DNAJC13: variants seen among roughly 807,000 people sequenced by gnomAD.
DNAJC13 encodes dnaJ homolog subfamily C member 13.
DNAJC13 carries 75 observed loss-of-function variants against 290.5 expected under a neutral mutation model. The ratio of observed to expected loss-of-function variants is 0.26; its 90% confidence interval spans 0.21 to 0.31. DNAJC13 has a LOEUF of 0.31. DNAJC13 is among the 10% of genes least tolerant of loss of function. The probability of loss-of-function intolerance (pLI) is 1.00; values close to 1 mark genes in which losing one functional copy is unlikely to be tolerated. For synonymous variants in DNAJC13, 862 were observed against 892.0 expected, an observed-to-expected ratio of 0.97 and a Z score of 0.60; for missense variants, 2,260 against 2,674.5, an observed-to-expected ratio of 0.85 and a Z score of 3.42.
chr3:132,488,488 A>G, intron 30 of DNAJC13, 36 bp downstream of exon 30: 1 of 1,555,860 alleles, frequency 6.4e-7, no homozygotes, highest in South Asian at 1.2e-5. Context: ...TAAAAGTATT[A>G]TTTGAATTTT....
intron 9 of DNAJC13, 67 bp from the exon 10 acceptor site, chr3:132,456,168 C>A (rs1268911682): frequency 2.0e-6 from 3 of 1,474,680 alleles, no homozygotes; most frequent in African/African-American, 1.4e-5. Context: ...GCCTATGCTT[C>A]ATGCTAGATC....
At chr3:132,524,124 T>C (rs1936178966) in intron 51 of DNAJC13, 2 of 154,870 alleles carry the variant, frequency 1.3e-5, no homozygotes, top group Admixed American at 6.5e-5. Context: ...GTCAAAGAAA[T>C]TGACAGAAGA....
rs776320362 is a variant in DNAJC13, at chr3:132,494,163, C to A, written c.3845C>A (p.Thr1282Asn). The change falls in exon 34 of 56, where the codon ACC (threonine) becomes AAC (asparagine). Residue 1282 changes from threonine (T) to asparagine (N), a missense_variant. Physicochemically the swap from Thr to Asn is moderately conservative, Grantham distance 65 (BLOSUM62 0). Transcript: ENST00000260818. ...TTTAAGGTTAAGCTTCTAAAAGATACCCTTGATGCCTGGAAGAAAGAAGTA... is the reference window on the plus strand; with the variant it reads ...TTTAAGGTTAAGCTTCTAAAAGATAACCTTGATGCCTGGAAGAAAGAAGTA... ...IKDPVKLLKDTLDAWKKEVEK... is the reference protein window; with the variant it reads ...IKDPVKLLKDNLDAWKKEVEK... 4 of 1,611,108 alleles carry A rather than the reference C, an allele frequency of 2.5e-6. No homozygotes were observed. The highest frequency in any genetic ancestry group is 2.2e-5 in the East Asian group (1 of 44,810).
intron 55 of DNAJC13, among the ~76,000 whole-genome samples, chr3:132,536,757 C>T (rs1193550883): frequency 6.6e-6 from 1 of 152,122 alleles, no homozygotes; most frequent in African/African-American, 2.4e-5. Context: ...GGTTTGTTGA[C>T]CTGGTGGCCT....
At chr3:132,503,796 T>C (rs1395226888) in intron 41 of DNAJC13, among the ~76,000 whole-genome samples, 30 of 152,176 alleles carry the variant, frequency 2.0e-4, no homozygotes, top group Admixed American at 2.0e-3. Flanking sequence ...CATGCACATA[T>C]ACATGTATAT....
At chr3:132,500,678 A>G (rs1039784011) in intron 38 of DNAJC13, 116 bp from the exon 39 acceptor site, 1 of 1,349,546 alleles carries the variant, frequency 7.4e-7, no homozygotes, top group Non-Finnish European at 1.0e-6. Context: ...ATTTTGGAAC[A>G]TTGTATATAC....
chr3:132,534,153 C>T (rs1428764058), intron 55 of DNAJC13, among the ~76,000 whole-genome samples: 1 of 152,122 alleles, frequency 6.6e-6, no homozygotes, highest in African/African-American at 2.4e-5. Flanking sequence ...GTATAAAACC[C>T]AACCAGGAAG....
intron 44 of DNAJC13, among the ~76,000 whole-genome samples, chr3:132,512,591 A>C (rs1935810495): frequency 6.6e-6 from 1 of 152,172 alleles, no homozygotes; most frequent in Non-Finnish European, 1.5e-5. Context: ...ATTATAGTTA[A>C]GTGGCAGAGT....
intron 33 of DNAJC13, among the ~76,000 whole-genome samples, chr3:132,493,738 C>T (rs1935138471): frequency 6.6e-6 from 1 of 151,998 alleles, no homozygotes; most frequent in African/African-American, 2.4e-5. Flanking sequence ...ATACTGCTTG[C>T]TTTCTTACTA....
Position 132,496,615 on chromosome 3 carries a change from A to C in DNAJC13, c.4108A>C (p.Ile1370Leu), listed in dbSNP as rs747731977. ...IVDGPDPENI[I>L]LILKTQSILF... Reference sequence around the variant, plus strand: ...GGATGGGCCAGATCCAGAGAATATAATTTTAATTCTAAAAACACAGAGCAT... The same window carrying C: ...GGATGGGCCAGATCCAGAGAATATACTTTTAATTCTAAAAACACAGAGCAT... The change falls in exon 36 of 56, where the codon ATT (isoleucine) becomes CTT (leucine). Residue 1370 changes from isoleucine to leucine, a missense_variant. Physicochemically the swap from Ile to Leu is conservative, Grantham distance 5. This residue lies in a region of DNAJC13 where 1,494 missense variants were observed against 1,693.7 expected (regional missense o/e 0.88). Coordinates refer to ENST00000260818, the MANE Select transcript of DNAJC13 (RefSeq NM_015268.4). 3 of 1,611,382 alleles carry C rather than the reference A, an allele frequency of 1.9e-6. No individual in the cohort carries two copies. Among genetic ancestry groups the C allele is most frequent in the Non-Finnish European group, 2.5e-6 (3 of 1,178,792 alleles).
chr3:132,473,279 G>T lies in DNAJC13; in HGVS notation c.2291+52G>T, dbSNP rs561581852. On this transcript the variant is annotated intron_variant, in intron 21 of 55. Coordinates refer to ENST00000260818, the MANE Select transcript of DNAJC13 (RefSeq NM_015268.4). ...AAGATTAAATTTAGTATTGCCATGA[G>T]AGGCATCATGACACGTTCTTCTTCC... 15 of 1,235,314 alleles carry T rather than the reference G, an allele frequency of 1.2e-5. No individual in the cohort carries two copies. The East Asian group carries it at 3.3e-4, about 27-fold the overall frequency. The allele number at this position is 1,235,314 out of a possible 1,614,324, so 76.5% of individuals were successfully genotyped here. A position where few individuals can be genotyped will look rare whatever the true frequency, so the allele number is the denominator to read the frequency against.
chr3:132,425,684 T>C (rs1490601155), intron 1 of DNAJC13, among the ~76,000 whole-genome samples: 3 of 152,156 alleles, frequency 2.0e-5, no homozygotes, highest in African/African-American at 7.2e-5. Flanking sequence ...TACTTCCAGT[T>C]GATGATGCTA....
intron 48 of DNAJC13, among the ~76,000 whole-genome samples, chr3:132,521,642 A>C (rs1424208214): frequency 3.9e-5 from 6 of 152,220 alleles, no homozygotes; most frequent in African/African-American, 1.4e-4. Flanking sequence ...CACAGTGAGC[A>C]GGTCAAGCAT....
At chr3:132,436,536 G>A (rs906244160) in intron 2 of DNAJC13, among the ~76,000 whole-genome samples, 1 of 152,140 alleles carries the variant, frequency 6.6e-6, no homozygotes, top group Non-Finnish European at 1.5e-5. Flanking sequence ...GTTGTTTTGT[G>A]TATATACCTA....
intron 20 of DNAJC13, among the ~76,000 whole-genome samples, chr3:132,469,052 G>A (rs1934096803): frequency 6.6e-6 from 1 of 152,142 alleles, no homozygotes; most frequent in Non-Finnish European, 1.5e-5. Flanking sequence ...CTGGTTTGTT[G>A]GTATCATTTA....
At chr3:132,475,128 G>T (rs1417509483) in intron 22 of DNAJC13, 43 bp downstream of exon 22, 3 of 1,444,078 alleles carry the variant, frequency 2.1e-6, no homozygotes, top group Non-Finnish European at 1.8e-6. Context: ...AAAAAATAAA[G>T]CATGTACTAT....
intron 1 of DNAJC13, among the ~76,000 whole-genome samples, chr3:132,427,231 G>C (rs1939123317): frequency 6.6e-6 from 1 of 151,300 alleles, no homozygotes; most frequent in Admixed American, 6.6e-5. Flanking sequence ...AGCCTCCCAG[G>C]CTCAAGTGGT....
chr3:132,462,899 A>G (rs1421779576), intron 16 of DNAJC13, among the ~76,000 whole-genome samples: 1 of 152,236 alleles, frequency 6.6e-6, no homozygotes, highest in Non-Finnish European at 1.5e-5. Flanking sequence ...CCAAAATGAT[A>G]CCAAGTAAGA....
Position 132,526,169 on chromosome 3 carries a change from A to G in DNAJC13, c.6269A>G (p.Glu2090Gly). ...TGTGTTCGAGCCATGGCATCTTTAGAGACCATTGGCCCACTGATGAATGGA... is the reference window on the plus strand; with the variant it reads ...TGTGTTCGAGCCATGGCATCTTTAGGGACCATTGGCCCACTGATGAATGGA... ...ELCVRAMASL[E>G]TIGPLMNGMK... The change falls in exon 53 of 56, where the codon GAG (glutamate) becomes GGG (glycine). Residue 2090 changes from glutamate (E) to glycine (G), a missense_variant. Glu to Gly is a moderately conservative substitution (Grantham distance 98). Around this residue, in one of 3 missense-constraint regions of DNAJC13, gnomAD observed 1,494 missense variants for 1,693.7 expected, o/e 0.88. Transcript: ENST00000260818. 1 of 1,614,110 alleles carries G rather than the reference A, an allele frequency of 6.2e-7. No individual in the cohort carries two copies. The highest frequency in any genetic ancestry group is 8.5e-7 in the Non-Finnish European group (1 of 1,179,982).
Sources: allele counts gnomAD v4.1 joint callset (sites outside exome capture counted in the v4.1 genomes callset), GRCh38; gene constraint gnomAD v4.1.1; regional missense constraint gnomAD v4.1.1; transcripts MANE v1.5; gene names NCBI Gene and HGNC (gene_info 2026-07-23, HGNC 2026-07-21).